ANGEL2: variants seen among roughly 807,000 people sequenced by gnomAD.
The protein encoded by ANGEL2 is RNA 2',3'-cyclic phosphatase ANGEL2.
Under a neutral mutation model 66.0 loss-of-function variants are expected in ANGEL2, and 41 were observed. The ratio of observed to expected loss-of-function variants is 0.62; its 90% CI spans 0.48 to 0.81. The LOEUF is 0.81. Ranked by LOEUF, ANGEL2 falls within the 30% of genes least tolerant of loss-of-function variation. The probability of loss-of-function intolerance (pLI) is 0.00; values close to 1 mark genes in which losing one functional copy is unlikely to be tolerated. For synonymous variants in ANGEL2, 208 were observed against 226.5 expected, an observed-to-expected ratio of 0.92 and a Z score of 0.73; for missense variants, 561 against 641.6, an observed-to-expected ratio of 0.87 and a Z score of 1.36.
In ANGEL2 at chr1:212,994,724, T is replaced by G. The variant is rs2075951496; in HGVS notation, c.*317A>C. ...GCTTGCCAAAATTATGAAATGAAAT[T>G]TTTTACTAAGCAGACAAAGGAAGAT... On this transcript the variant is annotated 3_prime_UTR_variant, in exon 9 of 9. Coordinates refer to ENST00000366962, the MANE Select transcript of ANGEL2 (RefSeq NM_144567.5). The G allele has an allele frequency of 6.0e-6, 1 of 166,576 alleles. No individual in the cohort carries two copies. Among genetic ancestry groups the G allele is most frequent in the Admixed American group, 6.3e-5 (1 of 15,752 alleles). The allele number at this position is 166,576 out of a possible 1,614,324, so 10.3% of individuals were successfully genotyped here.
At position 213,005,319 on chromosome 1, in the gene ANGEL2, C is replaced by G; in HGVS notation, c.848G>C (p.Arg283Thr). 6.2e-7 allele frequency: 1 copy of G among 1,614,230 alleles called. No individual in the cohort carries two copies. Among genetic ancestry groups the G allele is most frequent in the South Asian group, 1.1e-5 (1 of 91,088 alleles). ...FFRPDISLLD[R>T]DNVGLVLLLQ... is the part of the protein sequence containing the mutation. ...GAGTAAAACTAATCCAACATTGTCT[C>G]TGTCCAACAGAGAAATATCAGGGCG... Residue 283 changes from arginine to threonine, a missense_variant, in exon 5 of 9, where the codon AGA becomes ACA. By Grantham distance (71) the Arg-to-Thr change is moderately conservative (BLOSUM62 -1). Coordinates refer to ENST00000366962, the MANE Select transcript of ANGEL2 (RefSeq NM_144567.5).
intron 6 of ANGEL2, 65 bp from the exon 7 acceptor site, chr1:213,000,448 C>A: frequency 1.5e-6 from 2 of 1,368,080 alleles, no homozygotes; most frequent in South Asian, 1.2e-5. Context: ...CGTCATCTTA[C>A]TCTAGAAACA....
intron 5 of ANGEL2, among the ~76,000 whole-genome samples, chr1:213,004,655 G>A (rs575647178): frequency 2.0e-5 from 3 of 152,002 alleles, no homozygotes; most frequent in East Asian, 3.9e-4. Flanking sequence ...GGATCACGAC[G>A]TAAGGAGTTC....
intron 3 of ANGEL2, 143 bp downstream of exon 3, chr1:213,008,067 T>A (rs185422837): frequency 2.3e-6 from 2 of 856,736 alleles, no homozygotes; most frequent in East Asian, 5.6e-5. Flanking sequence ...TTTCTCCATG[T>A]TGGTCAGGCT....
intron 4 of ANGEL2, 137 bp from the exon 5 acceptor site, chr1:213,005,591 T>C (rs1361738762): frequency 4.0e-6 from 4 of 994,780 alleles, no homozygotes; most frequent in Non-Finnish European, 5.7e-6. Flanking sequence ...TCAATAAACA[T>C]TGGAATAAAA....
intron 8 of ANGEL2, among the ~76,000 whole-genome samples, chr1:212,996,622 C>CAAAAAA (rs1558167053): frequency 0.024 from 542 of 22,676 alleles, 80 homozygotes; most frequent in Middle Eastern, 0.091. Context: ...GACTCTGTAT[C>CAAAAAA]CAAAAAAAAA....
rs2076556948 is a variant in ANGEL2, at chr1:213,013,345, AC to A, written c.132del (p.Arg44SerfsTer12). On this transcript the variant is annotated frameshift_variant, in exon 2 of 9. Transcript: ENST00000366962. LOFTEE classifies it high-confidence loss of function. ...CTAGAAATATGTCTGTTCCAGCAAC[AC>A]CTTTGCAGATTCTCCCACGGTGTAG... ...DWTTPWENLQRCCWNRHISSC... is the reference protein window; with the variant it reads ...DWTTPWENLQXCCWNRHISSC... The A allele has an allele frequency of 6.2e-7, 1 of 1,614,048 alleles. No individual in the cohort carries two copies.
chr1:213,005,208 A>AT lies in ANGEL2; in HGVS notation c.958dup (p.Ile320AsnfsTer2). On this transcript the variant is annotated frameshift_variant, in exon 5 of 9. Coordinates refer to ENST00000366962, the MANE Select transcript of ANGEL2 (RefSeq NM_144567.5). LOFTEE classifies it high-confidence loss of function. ...TAGCATTGCCAATTGCGTCAGCTTA[A>AT]TATCACCTCGCCTTGGATTATACAA... 6.2e-7 allele frequency: 1 copy of AT among 1,614,254 alleles called. No homozygotes were observed. Among genetic ancestry groups the AT allele is most frequent in the Non-Finnish European group, 8.5e-7 (1 of 1,180,038 alleles).
chr1:212,997,528 A>T lies in ANGEL2; in HGVS notation c.1320-210T>A, dbSNP rs183703481. Among the ~76,000 whole-genome samples the T allele has an allele frequency of 2.1e-3, 313 of 152,318 alleles. 6 individuals are homozygous for T. In the East Asian group the frequency reaches 0.052, roughly 25 times the overall value. The stretch of plus-strand genomic sequence containing the variant: ...TAAAGCCATTATAAATGTGGTTTTT[A>T]AAAAAAGCTCAATAATTAACATACT... On this transcript the variant is annotated intron_variant, in intron 7 of 8. Coordinates refer to ENST00000366962, the MANE Select transcript of ANGEL2 (RefSeq NM_144567.5).
intron 2 of ANGEL2, among the ~76,000 whole-genome samples, chr1:213,012,723 T>C (rs1426975483): frequency 6.6e-6 from 1 of 152,234 alleles, no homozygotes. Flanking sequence ...TTTTTTTAGA[T>C]CTGTAGACTT....
rs377651247 is a variant in ANGEL2 at position 213,015,679 on chromosome 1, C to T, written c.-8G>A. ...ACAGCGCCAGGCTTCCATCTTCGCC[C>T]TCCGCGTGCGTCCAGTTCCCAGGCC... On this transcript the variant is annotated 5_prime_UTR_variant, in exon 1 of 9. Transcript: ENST00000366962. 5.0e-6 allele frequency: 8 copies of T among 1,614,050 alleles called. No individual in the cohort carries two copies. The highest frequency in any genetic ancestry group is 2.2e-5 in the South Asian group (2 of 91,086).
chr1:212,996,634 A>T (rs1323228176), intron 8 of ANGEL2, among the ~76,000 whole-genome samples: 17 of 49,214 alleles, frequency 3.5e-4, no homozygotes, highest in African/African-American at 4.7e-4. Context: ...AAAAAAAAAA[A>T]AAAAAAATAT....
chr1:213,005,545 A>G (rs1329676996), intron 4 of ANGEL2, 91 bp from the exon 5 acceptor site: 17 of 1,317,102 alleles, frequency 1.3e-5, no homozygotes, highest in Non-Finnish European at 1.8e-5. Context: ...AATGTTTACC[A>G]AACTGTATTC....
At position 213,013,415 on chromosome 1, in the gene ANGEL2, G is replaced by A; in HGVS notation, c.63C>T (p.Tyr21=). The A allele has an allele frequency of 6.2e-7, 1 of 1,609,686 alleles. No homozygotes were observed. The highest frequency in any genetic ancestry group is 1.1e-5 in the South Asian group (1 of 90,658). Residue 21 remains tyrosine, a synonymous_variant, in exon 2 of 9, where the codon TAC becomes TAT. Transcript: ENST00000366962. ...YGHCVVGRGR[Y]PMFPHHSRSL... ...TCCTCGAGTGATGGGGAAACATGGG[G>A]TATCTAAAAGAAATAAATACACTCC...
intron 8 of ANGEL2, among the ~76,000 whole-genome samples, chr1:212,996,595 C>T (rs1220003087): frequency 8.0e-6 from 1 of 124,840 alleles, no homozygotes; most frequent in Non-Finnish European, 1.6e-5. Flanking sequence ...TGCACTCTAG[C>T]CTGGGTAACA....
In ANGEL2 at chr1:213,000,359, A is replaced by G. The variant is rs2076144380; in HGVS notation, c.1286T>C (p.Leu429Pro). ...KTDSDLTQTQ[L>P]KQTEVLVTAE... is the part of the protein sequence containing the mutation. ...TGTCACTAGGACCTCTGTTTGCTTC[A>G]GCTGTGTTTGTGTCAGATCACTGTC... The change falls in exon 7 of 9, where the codon CTG (leucine) becomes CCG (proline). Residue 429 changes from leucine (L) to proline (P), a missense_variant. By Grantham distance (98) the Leu-to-Pro change is moderately conservative. Coordinates refer to ENST00000366962, the MANE Select transcript of ANGEL2 (RefSeq NM_144567.5). 6.2e-7 allele frequency: 1 copy of G among 1,613,912 alleles called. No homozygotes were observed. Among genetic ancestry groups the G allele is most frequent in the Non-Finnish European group, 8.5e-7 (1 of 1,179,812 alleles).
intron 2 of ANGEL2, among the ~76,000 whole-genome samples, 185 bp from the exon 3 acceptor site, chr1:213,008,651 AAC>A (rs1489974464): frequency 6.6e-6 from 1 of 152,256 alleles, no homozygotes; most frequent in Non-Finnish European, 1.5e-5. Context: ...CAAATGCGGT[AAC>A]ACAATATACT....
At chr1:212,996,695 A>G (rs1466767952) in intron 8 of ANGEL2, among the ~76,000 whole-genome samples, 1 of 145,182 alleles carries the variant, frequency 6.9e-6, no homozygotes, top group Non-Finnish European at 1.5e-5. Flanking sequence ...GAAAAATCCA[A>G]TATTCCAGAG....
chr1:212,996,345 C>T (rs1377842864), intron 8 of ANGEL2, among the ~76,000 whole-genome samples: 1 of 151,332 alleles, frequency 6.6e-6, no homozygotes, highest in Non-Finnish European at 1.5e-5. Context: ...ACTTTTCTGA[C>T]CGAATGTGGT....
Sources: allele counts gnomAD v4.1 joint callset (sites outside exome capture counted in the v4.1 genomes callset), GRCh38; gene constraint gnomAD v4.1.1; transcripts MANE v1.5; gene names NCBI Gene and HGNC (gene_info 2026-07-23, HGNC 2026-07-21).